Variants in CHTF18 observed in about 807,000 individuals in gnomAD.
The protein encoded by CHTF18 is chromosome transmission fidelity factor 18, also known as chromosome transmission fidelity protein 18 homolog.
A neutral mutation model predicts 113.4 loss-of-function variants in CHTF18; 151 were observed. That is an observed-to-expected ratio of 1.33 (90% confidence interval 1.17 to 1.52). The LOEUF (loss-of-function observed/expected upper bound fraction) is 1.52, where lower values mean the gene tolerates loss of function less well. Ranked by LOEUF, CHTF18 falls within the 40% of genes most tolerant of loss-of-function variation. CHTF18 has a pLI of 0.00. For missense variants in CHTF18, 1,982 were observed against 1,381.6 expected (o/e 1.43, Z -6.89); for synonymous variants, 916 against 598.8 (o/e 1.53, Z -7.74).
Position 795,327 on chromosome 16 carries a change from A to G in CHTF18, c.2146A>G (p.Arg716Gly). The G allele has an allele frequency of 6.5e-7, 1 of 1,547,408 alleles. No homozygotes were observed. Among genetic ancestry groups the G allele is most frequent in the East Asian group, 2.5e-5 (1 of 40,788 alleles). ...GCTGTTTGCTTCCAGCCACACACCC[A>G]GGATCACCTTCCCCAGCAGCCAGCA... is the stretch of plus-strand genomic sequence containing the variant. Reference protein sequence around the residue: ...HVLFASSHTPRITFPSSQQEA... With the variant: ...HVLFASSHTPGITFPSSQQEA... Residue 716 changes from arginine to glycine, a missense_variant, in exon 16 of 22, where the codon AGG (arginine) becomes GGG (glycine). Transcript: ENST00000262315.
intron 11 of CHTF18, 61 bp downstream of exon 11, chr16:792,651 G>A (rs571963321): frequency 4.1e-5 from 66 of 1,591,132 alleles, no homozygotes; most frequent in Non-Finnish European, 5.2e-5. Flanking sequence ...GGAGGGTTCC[G>A]GCCCGTCCCT....
At position 797,771 on chromosome 16, in the gene CHTF18, G is replaced by A. The variant is rs367921035; in HGVS notation, c.2791+20G>A. The A allele has an allele frequency of 6.2e-7, 1 of 1,607,908 alleles. No homozygotes were observed. Among genetic ancestry groups the A allele is most frequent in the South Asian group, 1.1e-5 (1 of 90,754 alleles). On this transcript the variant is annotated intron_variant, in intron 21 of 21. Coordinates refer to ENST00000262315, the MANE Select transcript of CHTF18 (RefSeq NM_022092.3). ...GTGCAGGTGTGTGTGGGGGTGTTGT[G>A]GGGTTGTGGGGGGCCTGGGGGTTGT...
Position 796,827 on chromosome 16 carries a change from C to T in CHTF18, c.2567C>T (p.Ala856Val), listed in dbSNP as rs76676729. 5.9e-5 allele frequency: 94 copies of T among 1,599,588 alleles called. No homozygotes were observed. Among genetic ancestry groups the T allele is most frequent in the East Asian group, 1.6e-4 (7 of 44,494 alleles). ...ATCGAGGTGGAGAAGATGCGGCGGG[C>T]GGAGGCTTCTGCCCGGGTAGAGAAC... ...REIEVEKMRR[A>V]EASARVENSP... The change falls in exon 19 of 22, where the codon GCG becomes GTG. Residue 856 changes from alanine to valine, a missense_variant. Coordinates refer to ENST00000262315, the MANE Select transcript of CHTF18 (RefSeq NM_022092.3).
At chr16:794,296 G>A (rs1172136432) in intron 15 of CHTF18, 95 bp downstream of exon 15, 4 of 1,424,910 alleles carry the variant, frequency 2.8e-6, no homozygotes, top group African/African-American at 1.4e-5. Context: ...TGGACGGGGA[G>A]GCGCTTTGGG....
chr16:789,158 A>G lies in CHTF18; in HGVS notation c.286+33A>G, dbSNP rs368354586. ...GGCGGCATTGCCCCAGGGCCTCCGGAGTGGGCGCGAGGCTGAGGAGGCCTC... is the reference window on the plus strand; with the variant it reads ...GGCGGCATTGCCCCAGGGCCTCCGGGGTGGGCGCGAGGCTGAGGAGGCCTC... On this transcript the variant is annotated intron_variant, in intron 2 of 21. Transcript: ENST00000262315. The G allele has an allele frequency of 1.0e-3, 1,572 of 1,549,390 alleles. 2 individuals are homozygous for G. The highest frequency in any genetic ancestry group is 2.3e-3 in the South Asian group (194 of 83,964).
At position 788,700 on chromosome 16, in the gene CHTF18, C is replaced by T. The variant is rs781389582; in HGVS notation, c.16C>T (p.Gln6Ter). The T allele has an allele frequency of 2.5e-6, 4 of 1,597,718 alleles. No individual in the cohort carries two copies. Among genetic ancestry groups the T allele is most frequent in the South Asian group, 2.2e-5 (2 of 89,266 alleles). The change falls in exon 1 of 22, where the codon CAG becomes TAG. Residue 6 changes from glutamine (Q) to a stop codon, truncating the protein, a stop_gained. Coordinates refer to ENST00000262315, the MANE Select transcript of CHTF18 (RefSeq NM_022092.3). LOFTEE classifies it high-confidence loss of function. ...CGCGGACGGTATGGAGGACTACGAG[C>T]AGGAGCTGTGCGGCGTCGAGGATGA... MEDYE[Q>*]ELCGVEDDFH... is the part of the protein sequence containing the mutation.
At position 797,763 on chromosome 16, in the gene CHTF18, G is replaced by T. The variant is rs762264582; in HGVS notation, c.2791+12G>T. 14 of 1,609,902 alleles carry T rather than the reference G, an allele frequency of 8.7e-6. No individual in the cohort carries two copies. The highest frequency in any genetic ancestry group is 1.3e-5 in the African/African-American group (1 of 74,668). On this transcript the variant is annotated intron_variant, in intron 21 of 21. Coordinates refer to ENST00000262315, the MANE Select transcript of CHTF18 (RefSeq NM_022092.3). ...AGTCCCGAGTGCAGGTGTGTGTGGGGGTGTTGTGGGGTTGTGGGGGGCCTG... is the reference window on the plus strand; with the variant it reads ...AGTCCCGAGTGCAGGTGTGTGTGGGTGTGTTGTGGGGTTGTGGGGGGCCTG...
At chr16:789,782 C>T (rs1274621794) in intron 4 of CHTF18, 67 bp downstream of exon 4, 34 of 1,468,594 alleles carry the variant, frequency 2.3e-5, no homozygotes, top group South Asian at 2.7e-5. Context: ...TCCTTGGAGC[C>T]CCTCACCCCT....
In CHTF18 at chr16:795,165, C is replaced by G. The variant is rs983508807; in HGVS notation, c.1984C>G (p.Arg662Gly). ...LFDNFLRLRL[R>G]DSSLGAVCVA... ...TGACAACTTCCTGCGTCTGCGGCTGCGAGACTCCAGCCTGGGTGCTGTGTG... is the reference window on the plus strand; with the variant it reads ...TGACAACTTCCTGCGTCTGCGGCTGGGAGACTCCAGCCTGGGTGCTGTGTG... The change falls in exon 16 of 22, where the codon CGA (arginine) becomes GGA (glycine). Residue 662 changes from arginine (R) to glycine (G), a missense_variant. Transcript: ENST00000262315. The G allele has an allele frequency of 3.2e-6, 5 of 1,555,362 alleles. No homozygotes were observed. The highest frequency in any genetic ancestry group is 4.3e-6 in the Non-Finnish European group (5 of 1,149,926).
chr16:795,619 C>CGT, intron 16 of CHTF18, 66 bp from the exon 17 acceptor site: 3 of 832,694 alleles, frequency 3.6e-6, no homozygotes, highest in South Asian at 1.6e-5. Context: ...GCCCTGGCCC[C>CGT]ACCCACCATT....
In CHTF18 at chr16:792,701, C is replaced by T; in HGVS notation, c.1479-17C>T. On this transcript the variant is annotated splice_polypyrimidine_tract_variant and intron_variant, in intron 11 of 21. Transcript: ENST00000262315. ...GGTGCCAACCCTGGGGTCCCTGGCC[C>T]TGCCGCCTCTCCTCAGGTTCGCACC... 1.3e-6 allele frequency: 2 copies of T among 1,571,786 alleles called. No individual in the cohort carries two copies. The highest frequency in any genetic ancestry group is 2.3e-5 in the South Asian group (2 of 87,434).
chr16:790,129 C>A (rs755969910), intron 4 of CHTF18, 48 bp from the exon 5 acceptor site: 5 of 1,550,884 alleles, frequency 3.2e-6, no homozygotes, highest in Non-Finnish European at 4.3e-6. Flanking sequence ...GACGTGAATC[C>A]TGTGACCTAG....
Position 790,264 on chromosome 16 carries a change from G to A in CHTF18, c.694G>A (p.Gly232Ser), listed in dbSNP as rs572535954. 4.2e-5 allele frequency: 67 copies of A among 1,607,114 alleles called. 1 individual carries two copies. The East Asian group carries it at 6.1e-4, about 15-fold the overall frequency. Residue 232 changes from glycine to serine, a missense_variant, in exon 5 of 22, where the codon GGC becomes AGC. Physicochemically the swap from Gly to Ser is moderately conservative, Grantham distance 56 (BLOSUM62 0). Transcript: ENST00000262315. The part of the protein sequence containing the change: ...SLASLKKQVD[G>S]ERRERLLQEA... ...AGCCTCCCTGAAGAAGCAGGTCGAC[G>A]GCGAGGTAGGGGCTGCGGGTTTGCT...
At chr16:791,771 A>C in intron 8 of CHTF18, 80 bp from the exon 9 acceptor site, 3 of 1,515,258 alleles carry the variant, frequency 2.0e-6, no homozygotes, top group South Asian at 2.5e-5. Flanking sequence ...TGTGGGACAC[A>C]TGTGGCAGTC....
intron 12 of CHTF18, 64 bp downstream of exon 12, chr16:792,875 C>A (rs75863252): frequency 4.2e-5 from 64 of 1,527,832 alleles, no homozygotes; most frequent in Admixed American, 3.0e-4. Context: ...TCGTTCTGGC[C>A]CCTGTTTCCC....
In CHTF18 at chr16:788,757, G is replaced by T; in HGVS notation, c.73G>T (p.Val25Leu). 1 of 1,599,954 alleles carries T rather than the reference G, an allele frequency of 6.3e-7. No homozygotes were observed. Among genetic ancestry groups the T allele is most frequent in the South Asian group, 1.1e-5 (1 of 89,122 alleles). The change falls in exon 1 of 22, where the codon GTG (valine) becomes TTG (leucine). Residue 25 changes from valine to leucine, a missense_variant. Transcript: ENST00000262315. ...CAACCAGTTCGCGGCCGAGCTGGAGGTGCTGGCAGAGCTGGAAGGTGGGGC... is the reference window on the plus strand; with the variant it reads ...CAACCAGTTCGCGGCCGAGCTGGAGTTGCTGGCAGAGCTGGAAGGTGGGGC... Reference protein sequence around the residue: ...FHNQFAAELEVLAELEGASTP... With the variant: ...FHNQFAAELELLAELEGASTP...
chr16:793,986 C>T (rs549182926), intron 14 of CHTF18, 68 bp from the exon 15 acceptor site: 40 of 1,548,288 alleles, frequency 2.6e-5, no homozygotes, highest in East Asian at 1.1e-4. Flanking sequence ...CTGAGTGTCC[C>T]GGGGAGACGG....
In CHTF18 at chr16:789,993, A is replaced by G. The variant is rs112891252; in HGVS notation, c.607-184A>G. On this transcript the variant is annotated intron_variant, in intron 4 of 21. Transcript: ENST00000262315. ...CTCCTTTCTCCTAAAGCTGCCCCCA[A>G]TTTCCCTTTGCAGCTGACCCATCTG... 9.6e-3 allele frequency: 14,802 copies of G among 1,534,902 alleles called. 832 individuals carry two copies. The African/African-American group carries it at 0.15, about 15-fold the overall frequency.
chr16:790,268 AGGTAGGGGCTGCG>A lies in CHTF18; in HGVS notation c.699+3_699+15del. The A allele has an allele frequency of 6.2e-7, 1 of 1,607,444 alleles. No individual in the cohort carries two copies. Among genetic ancestry groups the A allele is most frequent in the Non-Finnish European group, 8.5e-7 (1 of 1,177,930 alleles). On this transcript the variant is annotated splice_donor_variant and splice_donor_5th_base_variant and coding_sequence_variant and intron_variant, in exon 5 of 22. Transcript: ENST00000262315. LOFTEE classifies it high-confidence loss of function. ...TCCCTGAAGAAGCAGGTCGACGGCG[AGGTAGGGGCTGCG>A]GGTTTGCTGGGGGGCGGTGGCGGGG...
Sources: allele counts gnomAD v4.1 joint callset, GRCh38; gene constraint gnomAD v4.1.1; transcripts MANE v1.5; gene names NCBI Gene and HGNC (gene_info 2026-07-23, HGNC 2026-07-21).